Variants in FERMT2 observed in about 807,000 individuals in gnomAD.
The protein encoded by FERMT2 is FERM domain containing kindlin 2, also known as fermitin family homolog 2.
Under a neutral mutation model 82.7 loss-of-function variants are expected in FERMT2, and 15 were observed. The observed-to-expected ratio is 0.18, with a 90% CI of 0.12 to 0.28. The LOEUF (loss-of-function observed/expected upper bound fraction) is 0.28. Among genes scored for constraint, FERMT2 ranks in the 10% least tolerant of loss-of-function variants. The pLI is 1.00. For synonymous variants in FERMT2, 274 were observed against 271.5 expected (o/e 1.01, Z -0.09); for missense variants, 645 against 809.4 (o/e 0.80, Z 2.46).
At chr14:52,932,152 A>G (rs1302757329) in intron 2 of FERMT2, among the ~76,000 whole-genome samples, 1 of 152,258 alleles carries the variant, frequency 6.6e-6, no homozygotes, top group Non-Finnish European at 1.5e-5. Context: ...AAAGTTCATA[A>G]AGTTAGCATA....
chr14:52,937,027 T>C (rs1595019011), intron 2 of FERMT2, among the ~76,000 whole-genome samples: 1 of 151,074 alleles, frequency 6.6e-6, no homozygotes, highest in Admixed American at 6.6e-5. Flanking sequence ...CCAGGCATGG[T>C]GGTGCGTGCC....
intron 3 of FERMT2, among the ~76,000 whole-genome samples, chr14:52,910,092 C>T (rs900273896): frequency 4.6e-5 from 7 of 152,176 alleles, no homozygotes; most frequent in African/African-American, 1.7e-4. Flanking sequence ...AATAAAAATC[C>T]AATCTTTATT....
chr14:52,876,841 G>C (rs1011886799), intron 7 of FERMT2, among the ~76,000 whole-genome samples: 3 of 152,020 alleles, frequency 2.0e-5, no homozygotes, highest in African/African-American at 4.8e-5. Context: ...CCTTATTCTG[G>C]TACTAGTTGG....
At chr14:52,931,810 A>C (rs2139675355) in intron 2 of FERMT2, among the ~76,000 whole-genome samples, 1 of 152,312 alleles carries the variant, frequency 6.6e-6, no homozygotes, top group South Asian at 2.1e-4. Flanking sequence ...CAGGCGGATC[A>C]CCAGGTCAGG....
At chr14:52,928,420 G>C (rs1212002816) in intron 2 of FERMT2, 1 of 154,412 alleles carries the variant, frequency 6.5e-6, no homozygotes, top group Non-Finnish European at 1.4e-5. Context: ...TGGAGGTAAA[G>C]AACACTACAA....
intron 3 of FERMT2, among the ~76,000 whole-genome samples, chr14:52,895,795 A>G (rs993230101): frequency 2.0e-5 from 3 of 152,194 alleles, no homozygotes; most frequent in African/African-American, 7.2e-5. Context: ...ATACTACAAT[A>G]AAGTTAATTA....
intron 3 of FERMT2, among the ~76,000 whole-genome samples, chr14:52,902,892 C>CAAAAAAAAAAAAAAAAAAAA (rs1355070805): frequency 5.4e-5 from 2 of 36,768 alleles, no homozygotes; most frequent in Non-Finnish European, 1.0e-4. Flanking sequence ...AAAAAAAAAA[C>CAAAAAAAAAAAAAAAAAAAA]CCCAAAACAC....
In FERMT2 at chr14:52,947,843, T is replaced by C. The variant is rs138625088; in HGVS notation, c.157+2569A>G. ...CACATGTGCACACACACAATTTTAA[T>C]ACAATGTTGAGGGAATAGGTCATCC... is the stretch of plus-strand genomic sequence containing the variant. On this transcript the variant is annotated intron_variant, in intron 2 of 14. Coordinates refer to ENST00000341590, the MANE Select transcript of FERMT2 (RefSeq NM_006832.3). 3.9e-4 allele frequency among the ~76,000 whole-genome samples: 59 copies of C among 152,330 alleles called. 3 individuals are homozygous for C. The South Asian group carries it at 8.7e-3, about 22-fold the overall frequency.
intron 2 of FERMT2, among the ~76,000 whole-genome samples, chr14:52,946,297 A>G (rs1053297138): frequency 2.0e-5 from 3 of 151,958 alleles, no homozygotes; most frequent in Admixed American, 6.6e-5. Context: ...CTTATCCCTG[A>G]TATTTCATAT....
intron 3 of FERMT2, among the ~76,000 whole-genome samples, chr14:52,898,851 A>G (rs986456495): frequency 3.3e-5 from 5 of 152,220 alleles, no homozygotes; most frequent in South Asian, 2.1e-4. Context: ...CATGCCTGAG[A>G]TATGATATGC....
At chr14:52,873,048 C>T in intron 9 of FERMT2, 125 bp from the exon 10 acceptor site, 2 of 895,058 alleles carry the variant, frequency 2.2e-6, no homozygotes, top group Non-Finnish European at 3.4e-6. Flanking sequence ...AAATTGATCC[C>T]CCTTGGTCAG....
At chr14:52,944,453 G>A in intron 2 of FERMT2, among the ~76,000 whole-genome samples, 1 of 152,184 alleles carries the variant, frequency 6.6e-6, no homozygotes, top group South Asian at 2.1e-4. Flanking sequence ...CTTCCCCAGG[G>A]AGCACTAAGC....
intron 4 of FERMT2, among the ~76,000 whole-genome samples, chr14:52,886,279 G>A (rs573057251): frequency 4.3e-5 from 6 of 138,402 alleles, no homozygotes; most frequent in African/African-American, 1.5e-4. Context: ...GGGGGGGAGA[G>A]AGAGAGAGAG....
intron 2 of FERMT2, 25 bp from the exon 3 acceptor site, chr14:52,919,381 A>C: frequency 1.3e-6 from 2 of 1,505,746 alleles, no homozygotes; most frequent in South Asian, 1.2e-5. Context: ...CAATAAACAA[A>C]TCACTTAAAA....
At chr14:52,891,517 T>G (rs1222141056) in intron 4 of FERMT2, among the ~76,000 whole-genome samples, 1 of 152,136 alleles carries the variant, frequency 6.6e-6, no homozygotes, top group East Asian at 1.9e-4. Flanking sequence ...GTGCCATAAT[T>G]TCTTATCCTT....
intron 2 of FERMT2, among the ~76,000 whole-genome samples, chr14:52,933,737 AG>A (rs60543780): frequency 0.07 from 6,041 of 85,694 alleles, 1,368 homozygotes; most frequent in East Asian, 0.25. Context: ...AAAAAAAAAA[AG>A]GGAAAAGAAA....
intron 4 of FERMT2, among the ~76,000 whole-genome samples, chr14:52,882,409 G>C (rs1002666245): frequency 1.9e-4 from 29 of 151,994 alleles, no homozygotes; most frequent in Admixed American, 1.9e-3. Flanking sequence ...TAGAGGTTAC[G>C]TAAATAACAA....
intron 2 of FERMT2, among the ~76,000 whole-genome samples, chr14:52,925,638 A>G (rs1159637908): frequency 6.6e-6 from 1 of 151,222 alleles, no homozygotes; most frequent in Non-Finnish European, 1.5e-5. Context: ...ATCTCGATGC[A>G]GCAACTCTTT....
intron 3 of FERMT2, among the ~76,000 whole-genome samples, chr14:52,910,631 A>G (rs749891119): frequency 1.3e-5 from 2 of 152,248 alleles, no homozygotes; most frequent in Non-Finnish European, 2.9e-5. Context: ...ATTATTACAC[A>G]GAAGCATTTT....
Sources: gnomAD v4.1 joint callset for allele counts (sites outside exome capture counted in the v4.1 genomes callset) on GRCh38, gnomAD v4.1.1 for gene constraint, MANE v1.5 for transcripts, NCBI Gene and HGNC (gene_info 2026-07-23, HGNC 2026-07-21) for gene names.